PDZRN4: variants seen among roughly 807,000 people sequenced by gnomAD.
The protein encoded by PDZRN4 is PDZ domain containing ring finger 4.
In PDZRN4, 70 loss-of-function variants were observed where a neutral mutation model predicts 99.0. The observed-to-expected ratio is 0.71, with a 90% CI of 0.58 to 0.86. The LOEUF (loss-of-function observed/expected upper bound fraction) is 0.86, where lower values mean the gene tolerates loss of function less well. PDZRN4 is among the 40% of genes least tolerant of loss of function. The probability of loss-of-function intolerance (pLI) is 0.00; values close to 1 mark genes in which losing one functional copy is unlikely to be tolerated. For synonymous variants in PDZRN4, 551 were observed against 501.6 expected (o/e 1.10, Z -1.32); for missense variants, 1,474 against 1,331.2 (o/e 1.11, Z -1.67).
intron 3 of PDZRN4, among the ~76,000 whole-genome samples, chr12:41,216,126 GTGACAT>G (rs1327411314): frequency 6.6e-6 from 1 of 151,894 alleles, no homozygotes; most frequent in African/African-American, 2.4e-5. Context: ...TAACTAATAG[GTGACAT>G]CCATTTCCAT....
At chr12:41,390,897 A>G (rs1210322745) in intron 3 of PDZRN4, among the ~76,000 whole-genome samples, 1 of 152,208 alleles carries the variant, frequency 6.6e-6, no homozygotes, top group African/African-American at 2.4e-5. Flanking sequence ...GCTAAGCGTT[A>G]AGTCCTAGAT....
At chr12:41,375,508 C>T (rs1302842302) in intron 3 of PDZRN4, among the ~76,000 whole-genome samples, 1 of 152,048 alleles carries the variant, frequency 6.6e-6, no homozygotes, top group Non-Finnish European at 1.5e-5. Context: ...TATAGCAATC[C>T]TATAAGCTAG....
chr12:41,277,744 C>G (rs1951359096), intron 3 of PDZRN4, among the ~76,000 whole-genome samples: 1 of 152,200 alleles, frequency 6.6e-6, no homozygotes, highest in African/African-American at 2.4e-5. Context: ...TGAAGAGACT[C>G]TGCTGCTCTT....
chr12:41,448,309 C>A (rs748618604), intron 3 of PDZRN4, among the ~76,000 whole-genome samples: 1 of 152,120 alleles, frequency 6.6e-6, no homozygotes, highest in Admixed American at 6.5e-5. Flanking sequence ...ACACAAAGTC[C>A]CTTATGCCTA....
intron 3 of PDZRN4, among the ~76,000 whole-genome samples, chr12:41,385,735 C>T (rs1952165150): frequency 6.6e-6 from 1 of 152,060 alleles, no homozygotes. Flanking sequence ...TGAATTCTAC[C>T]AGATGTACAA....
chr12:41,198,069 C>A (rs917735518), intron 3 of PDZRN4, among the ~76,000 whole-genome samples: 18 of 151,718 alleles, frequency 1.2e-4, no homozygotes, highest in African/African-American at 4.4e-4. Context: ...TGCACCCCAC[C>A]TCACCTGGCT....
intron 3 of PDZRN4, among the ~76,000 whole-genome samples, chr12:41,377,887 A>G (rs1458718869): frequency 6.6e-6 from 1 of 152,116 alleles, no homozygotes; most frequent in Non-Finnish European, 1.5e-5. Flanking sequence ...TTTTGGTGGA[A>G]TCTTTAGGGT....
In PDZRN4 at chr12:41,272,169, A is replaced by T. The variant is rs533028971; in HGVS notation, c.843+77981A>T. Among the ~76,000 whole-genome samples, 175 of 152,154 alleles carry T rather than the reference A, an allele frequency of 1.2e-3. 2 individuals are homozygous for T. The highest frequency in any genetic ancestry group is 1.5e-3 in the Non-Finnish European group (100 of 67,950). ...TCTATGTCCATTCAATGAATTACTT[A>T]CTTTTTTCCCTCCACTAATATTTAC... is the stretch of plus-strand genomic sequence containing the variant. On this transcript the variant is annotated intron_variant, in intron 3 of 9. Transcript: ENST00000402685.
In PDZRN4 at chr12:41,572,759, G is replaced by A. The variant is rs936865145; in HGVS notation, c.1980G>A (p.Glu660=). The change falls in exon 10 of 10, where the codon GAG becomes GAA. Residue 660 remains glutamate (E), a synonymous_variant. Coordinates refer to ENST00000402685, the MANE Select transcript of PDZRN4 (RefSeq NM_001164595.2). ...STIECNQGEQ[E]GVEHELQLLN... ...TTGAATGCAATCAAGGGGAGCAAGA[G>A]GGAGTGGAGCATGAGCTACAGTTGC... 1 of 1,614,040 alleles carries A rather than the reference G, an allele frequency of 6.2e-7. No individual in the cohort carries two copies. Among genetic ancestry groups the A allele is most frequent in the Non-Finnish European group, 8.5e-7 (1 of 1,180,028 alleles).
intron 3 of PDZRN4, among the ~76,000 whole-genome samples, chr12:41,495,320 C>A (rs927767358): frequency 6.6e-6 from 1 of 152,048 alleles, no homozygotes; most frequent in Non-Finnish European, 1.5e-5. Context: ...GGATGGGCAA[C>A]GTCTACTTGG....
chr12:41,471,871 C>A (rs1358503830), intron 3 of PDZRN4, among the ~76,000 whole-genome samples: 1 of 151,400 alleles, frequency 6.6e-6, no homozygotes, highest in Non-Finnish European at 1.5e-5. Flanking sequence ...TTTTCATACA[C>A]TAAGTTTTCT....
At chr12:41,238,396 T>C (rs1951080558) in intron 3 of PDZRN4, among the ~76,000 whole-genome samples, 1 of 152,262 alleles carries the variant, frequency 6.6e-6, no homozygotes, top group Admixed American at 6.5e-5. Context: ...ACTACAGAGC[T>C]TCTGCACAGC....
intron 3 of PDZRN4, among the ~76,000 whole-genome samples, chr12:41,265,430 G>C (rs912891608): frequency 2.0e-5 from 3 of 152,048 alleles, no homozygotes; most frequent in African/African-American, 7.2e-5. Context: ...TGTGGATATG[G>C]TTTTACCTTA....
chr12:41,408,726 A>G (rs1027606512), intron 3 of PDZRN4, among the ~76,000 whole-genome samples: 3 of 151,220 alleles, frequency 2.0e-5, no homozygotes, highest in South Asian at 2.1e-4. Flanking sequence ...CTATTTTTCT[A>G]TTTTTCTTCT....
intron 3 of PDZRN4, among the ~76,000 whole-genome samples, chr12:41,340,875 A>G (rs1300291582): frequency 6.6e-6 from 1 of 151,916 alleles, no homozygotes; most frequent in Admixed American, 6.6e-5. Context: ...ATGAGGCCAT[A>G]TTACTCTTAT....
intron 3 of PDZRN4, among the ~76,000 whole-genome samples, chr12:41,386,757 G>A (rs1361072832): frequency 6.6e-6 from 1 of 152,086 alleles, no homozygotes; most frequent in Admixed American, 6.6e-5. Context: ...AAACAGGGTG[G>A]TACTGGAACA....
chr12:41,344,844 C>T (rs10880046), intron 3 of PDZRN4, among the ~76,000 whole-genome samples: 57,717 of 150,076 alleles, frequency 0.38, 11,145 homozygotes, highest in African/African-American at 0.41. Context: ...AATTAGTTAG[C>T]ATAAAGTGCA....
intron 3 of PDZRN4, among the ~76,000 whole-genome samples, chr12:41,373,571 G>T (rs924635986): frequency 2.6e-5 from 4 of 152,086 alleles, no homozygotes; most frequent in Non-Finnish European, 5.9e-5. Context: ...AGAGTTTAAG[G>T]TTCTCTCTTA....
intron 3 of PDZRN4, among the ~76,000 whole-genome samples, chr12:41,233,454 T>G (rs954533525): frequency 6.6e-6 from 1 of 152,082 alleles, no homozygotes; most frequent in Non-Finnish European, 1.5e-5. Context: ...ACCCAAAGGA[T>G]TATAAATCAT....
Sources: gnomAD v4.1 joint callset for allele counts (sites outside exome capture counted in the v4.1 genomes callset) on GRCh38, gnomAD v4.1.1 for gene constraint, MANE v1.5 for transcripts, NCBI Gene and HGNC (gene_info 2026-07-23, HGNC 2026-07-21) for gene names.